The following ST8SIA1 variants were observed in gnomAD, a reference collection of about 807,000 sequenced individuals.
The protein encoded by ST8SIA1 is ST8 alpha-N-acetyl-neuraminide alpha-2,8-sialyltransferase 1, also known as alpha-N-acetylneuraminide alpha-2,8-sialyltransferase.
ST8SIA1 carries 16 observed loss-of-function variants against 35.9 expected under a neutral mutation model. The observed-to-expected ratio is 0.45, with a 90% confidence interval of 0.30 to 0.68. The LOEUF is 0.68. ST8SIA1 is among the 30% of genes least tolerant of loss of function. ST8SIA1 has a pLI of 0.09. For missense variants in ST8SIA1, 383 were observed against 453.6 expected, an observed-to-expected ratio of 0.84 and a Z score of 1.41; for synonymous variants, 170 against 169.6, an observed-to-expected ratio of 1.00 and a Z score of -0.02.
chr12:22,198,271 T>G lies in ST8SIA1; in HGVS notation c.*3281A>C, dbSNP rs1243728303. On this transcript the variant is annotated 3_prime_UTR_variant, in exon 5 of 5. Coordinates refer to ENST00000396037, the MANE Select transcript of ST8SIA1 (RefSeq NM_003034.4). ...TGCATCACCAAAAGTGATTAAAGAT[T>G]TTCTTATTGAATGTCTTCTAAGCTG... 1.3e-5 allele frequency: 2 copies of G among 152,122 alleles called. No individual in the cohort carries two copies. The highest frequency in any genetic ancestry group is 2.9e-5 in the Non-Finnish European group (2 of 68,016). 9.4% of individuals were successfully genotyped at this position (152,122 alleles called of 1,614,324 possible).
rs1865638030 is a variant in ST8SIA1 at position 22,249,219 on chromosome 12, T to C, written c.492-121A>G. On this transcript the variant is annotated intron_variant, in intron 3 of 4. Coordinates refer to ENST00000396037, the MANE Select transcript of ST8SIA1 (RefSeq NM_003034.4). ...ATTCACGAGTAACTGTTTTGTTTTT[T>C]GTTTTTTTTTTTTTTTTGAGATGGA... 3.2e-6 allele frequency: 2 copies of C among 633,296 alleles called. 1 individual carries two copies. Among genetic ancestry groups the C allele is most frequent in the South Asian group, 3.9e-5 (2 of 50,798 alleles). The allele number at this position is 633,296 out of a possible 1,614,324, so 39.2% of individuals were successfully genotyped here. A position where few individuals can be genotyped will look rare whatever the true frequency, so the allele number is the denominator to read the frequency against.
chr12:22,326,947 A>G (rs945103244), intron 1 of ST8SIA1, among the ~76,000 whole-genome samples: 1 of 152,176 alleles, frequency 6.6e-6, no homozygotes, highest in East Asian at 1.9e-4. Flanking sequence ...CAAAAGACTA[A>G]CTGACCACAT....
At chr12:22,279,588 G>A (rs951153094) in intron 2 of ST8SIA1, among the ~76,000 whole-genome samples, 2 of 152,156 alleles carry the variant, frequency 1.3e-5, no homozygotes, top group African/African-American at 4.8e-5. Context: ...TGTTTTAAAC[G>A]GATCTCTGGG....
At chr12:22,324,631 G>A (rs1281714057) in intron 1 of ST8SIA1, 2 of 152,036 alleles carry the variant, frequency 1.3e-5, no homozygotes. Context: ...CAAAATATTA[G>A]CGATGTTTGT....
chr12:22,251,726 A>G (rs1865672326), intron 3 of ST8SIA1, among the ~76,000 whole-genome samples: 1 of 152,206 alleles, frequency 6.6e-6, no homozygotes, highest in Non-Finnish European at 1.5e-5. Flanking sequence ...AACAAATATT[A>G]ATGACTAAAG....
chr12:22,304,117 G>C (rs1866353481), intron 1 of ST8SIA1, among the ~76,000 whole-genome samples: 2 of 152,142 alleles, frequency 1.3e-5, no homozygotes, highest in African/African-American at 4.8e-5. Flanking sequence ...GCCCTTTCTG[G>C]TTTGATACTT....
rs934433983 is a variant in ST8SIA1 at position 22,194,196 on chromosome 12, G to A, written c.*7356C>T. On this transcript the variant is annotated 3_prime_UTR_variant, in exon 5 of 5. Transcript: ENST00000396037. ...ATTAATTATAAGGGGAGTGTCTATAGTAACCTATCAACACCCAACGGTGCT... is the reference window on the plus strand; with the variant it reads ...ATTAATTATAAGGGGAGTGTCTATAATAACCTATCAACACCCAACGGTGCT... The A allele has an allele frequency of 3.3e-5, 5 of 152,212 alleles. No individual in the cohort carries two copies. The East Asian group carries it at 9.7e-4, about 29-fold the overall frequency. 9.4% of individuals were successfully genotyped at this position (152,212 alleles called of 1,614,324 possible).
intron 3 of ST8SIA1, among the ~76,000 whole-genome samples, chr12:22,254,137 T>C (rs948315798): frequency 6.6e-6 from 1 of 152,164 alleles, no homozygotes; most frequent in African/African-American, 2.4e-5. Context: ...TGGTTCATAG[T>C]CATTTCCACC....
chr12:22,312,484 G>A (rs1866462035), intron 1 of ST8SIA1, among the ~76,000 whole-genome samples: 1 of 152,128 alleles, frequency 6.6e-6, no homozygotes, highest in African/African-American at 2.4e-5. Context: ...GCAGCAGTTG[G>A]CAACAGAACA....
intron 4 of ST8SIA1, among the ~76,000 whole-genome samples, chr12:22,218,321 C>CA (rs912981698): frequency 7.4e-6 from 1 of 134,876 alleles, no homozygotes; most frequent in African/African-American, 2.8e-5. Context: ...GAGACTCTCT[C>CA]AAAAAAATAA....
At chr12:22,223,878 CTGTTA>C (rs752576236) in intron 4 of ST8SIA1, 23 of 980,250 alleles carry the variant, frequency 2.3e-5, no homozygotes, top group Non-Finnish European at 2.8e-5. Flanking sequence ...ATACTTAATT[CTGTTA>C]TATCTTCTTT....
At chr12:22,275,013 T>C (rs1422387132) in intron 2 of ST8SIA1, among the ~76,000 whole-genome samples, 1 of 152,068 alleles carries the variant, frequency 6.6e-6, no homozygotes, top group African/African-American at 2.4e-5. Flanking sequence ...GAGAGATATA[T>C]ACAAATTTGG....
chr12:22,318,436 G>A (rs1866545893), intron 1 of ST8SIA1, among the ~76,000 whole-genome samples: 1 of 152,158 alleles, frequency 6.6e-6, no homozygotes, highest in Admixed American at 6.5e-5. Flanking sequence ...ATAAAAGGGG[G>A]AATTAAGCAA....
At chr12:22,249,225 T>TG in intron 3 of ST8SIA1, 127 bp from the exon 4 acceptor site, 1 of 658,896 alleles carries the variant, frequency 1.5e-6, no homozygotes, top group Non-Finnish European at 2.5e-6. Context: ...TTTTTGTTTT[T>TG]TTTTTTTTTT....
intron 1 of ST8SIA1, among the ~76,000 whole-genome samples, chr12:22,288,548 G>A (rs1179997033): frequency 6.6e-6 from 1 of 152,210 alleles, no homozygotes; most frequent in Admixed American, 6.5e-5. Flanking sequence ...GCCCCGCGGT[G>A]TGGGCAAGCT....
At chr12:22,266,687 C>G (rs151305287) in intron 2 of ST8SIA1, among the ~76,000 whole-genome samples, 1 of 151,916 alleles carries the variant, frequency 6.6e-6, no homozygotes, top group Non-Finnish European at 1.5e-5. Flanking sequence ...GTCCCAGCTA[C>G]TCGGGAGGCT....
intron 1 of ST8SIA1, among the ~76,000 whole-genome samples, chr12:22,323,647 C>G (rs1166063025): frequency 6.6e-6 from 1 of 152,114 alleles, no homozygotes; most frequent in Admixed American, 6.5e-5. Context: ...AAATGTGGTA[C>G]GTATACACCA....
At chr12:22,259,519 G>A (rs1002486243) in intron 2 of ST8SIA1, among the ~76,000 whole-genome samples, 2 of 150,948 alleles carry the variant, frequency 1.3e-5, no homozygotes, top group Non-Finnish European at 2.9e-5. Context: ...AGGCCAGAAT[G>A]CAGTGGCGCG....
At chr12:22,277,791 G>C (rs561157597) in intron 2 of ST8SIA1, among the ~76,000 whole-genome samples, 1 of 152,286 alleles carries the variant, frequency 6.6e-6, no homozygotes, top group East Asian at 1.9e-4. Flanking sequence ...AATAAACTTG[G>C]ATTTGGACAG....
Sources: allele counts gnomAD v4.1 joint callset (sites outside exome capture counted in the v4.1 genomes callset), GRCh38; gene constraint gnomAD v4.1.1; transcripts MANE v1.5; gene names NCBI Gene and HGNC (gene_info 2026-07-23, HGNC 2026-07-21).